Variants in SCN8A observed in about 807,000 individuals in gnomAD.
The protein encoded by SCN8A is sodium channel protein type 8 subunit alpha.
Under a neutral mutation model 184.1 loss-of-function variants are expected in SCN8A, and 30 were observed. The ratio of observed to expected loss-of-function variants is 0.16; its 90% CI spans 0.12 to 0.22. The LOEUF is 0.22. Among genes scored for constraint, SCN8A ranks in the 10% least tolerant of loss-of-function variants. The pLI, the probability that SCN8A is intolerant of heterozygous loss-of-function variation, is 1.00. For missense variants in SCN8A, 1,057 were observed against 2,498.9 expected (o/e 0.42, Z 12.30); for synonymous variants, 852 against 907.0 (o/e 0.94, Z 1.09).
chr12:51,654,762 T>C (rs1484217563), intron 1 of SCN8A, among the ~76,000 whole-genome samples: 1 of 152,194 alleles, frequency 6.6e-6, no homozygotes, highest in East Asian at 1.9e-4. Flanking sequence ...TCTTCCTGCT[T>C]TGGCCTCCCA....
At chr12:51,617,253 T>G (rs1054740444) in intron 1 of SCN8A, among the ~76,000 whole-genome samples, 2 of 152,202 alleles carry the variant, frequency 1.3e-5, no homozygotes, top group Non-Finnish European at 2.9e-5. Context: ...TCTTTTGGTG[T>G]TGTCCCATGG....
Position 51,591,366 on chromosome 12 carries a change from C to A in SCN8A, c.-55+7C>A. On this transcript the variant is annotated splice_region_variant and intron_variant, in intron 1 of 26. Transcript: ENST00000627620. ...CCTCGCCGCCGCCGCTGCCGTAAGTCGCCCCAGAGCCCCCGCCCTAGCGCT... is the reference window on the plus strand; with the variant it reads ...CCTCGCCGCCGCCGCTGCCGTAAGTAGCCCCAGAGCCCCCGCCCTAGCGCT... 6.5e-6 allele frequency: 1 copy of A among 154,796 alleles called. No individual in the cohort carries two copies. The highest frequency in any genetic ancestry group is 1.8e-4 in the South Asian group (1 of 5,620). 9.6% of individuals were successfully genotyped at this position (154,796 alleles called of 1,614,324 possible). A position where few individuals can be genotyped will look rare whatever the true frequency, so the allele number is the denominator to read the frequency against.
intron 22 of SCN8A, among the ~76,000 whole-genome samples, 170 bp downstream of exon 22, chr12:51,786,996 G>A (rs1306513803): frequency 6.6e-6 from 1 of 152,152 alleles, no homozygotes; most frequent in Admixed American, 6.5e-5. Context: ...CCTTTCCTGA[G>A]TATTCTCTGA....
intron 20 of SCN8A, 71 bp downstream of exon 20, chr12:51,774,433 A>G: frequency 1.4e-6 from 2 of 1,443,212 alleles, no homozygotes; most frequent in South Asian, 1.4e-5. Context: ...TCTTTTTCTA[A>G]TGGCAGTAGC....
chr12:51,621,858 C>T (rs1338152731), intron 1 of SCN8A, among the ~76,000 whole-genome samples: 8 of 152,174 alleles, frequency 5.3e-5, no homozygotes, highest in Non-Finnish European at 1.2e-4. Context: ...AAGGAGTCCA[C>T]ATCAAAGAAA....
At chr12:51,748,022 C>T (rs904597519) in intron 13 of SCN8A, among the ~76,000 whole-genome samples, 3 of 152,184 alleles carry the variant, frequency 2.0e-5, no homozygotes, top group Non-Finnish European at 4.4e-5. Context: ...GGCATTCCGC[C>T]TAACCTCTCC....
intron 1 of SCN8A, among the ~76,000 whole-genome samples, chr12:51,606,768 A>C (rs1373492147): frequency 6.6e-6 from 1 of 151,684 alleles, no homozygotes; most frequent in Non-Finnish European, 1.5e-5. Context: ...TTCTTTCAGC[A>C]GTTTTGTAGT....
At chr12:51,792,646 T>G (rs1303404130) in intron 25 of SCN8A, among the ~76,000 whole-genome samples, 1 of 151,878 alleles carries the variant, frequency 6.6e-6, no homozygotes, top group Admixed American at 6.6e-5. Context: ...GTGCCAGGTG[T>G]CTCCCCGTAA....
chr12:51,794,245 GC>G (rs1328898099), intron 25 of SCN8A, 125 bp from the exon 26 acceptor site: 1 of 850,672 alleles, frequency 1.2e-6, no homozygotes, highest in African/African-American at 1.7e-5. Context: ...TGATAGAGCA[GC>G]AGAGCTGACC....
intron 2 of SCN8A, among the ~76,000 whole-genome samples, chr12:51,681,824 T>G (rs1941339329): frequency 6.6e-6 from 1 of 152,172 alleles, no homozygotes. Flanking sequence ...GAAAAGAACT[T>G]TAAAAAACAT....
intron 11 of SCN8A, among the ~76,000 whole-genome samples, chr12:51,717,880 A>G (rs1941991481): frequency 1.3e-5 from 2 of 152,224 alleles, no homozygotes; most frequent in Non-Finnish European, 2.9e-5. Context: ...ATAATTATCT[A>G]TGATTAGTGC....
intron 1 of SCN8A, among the ~76,000 whole-genome samples, chr12:51,599,300 A>G (rs1486461513): frequency 6.6e-6 from 1 of 152,210 alleles, no homozygotes; most frequent in Non-Finnish European, 1.5e-5. Flanking sequence ...AAAAAGTTGG[A>G]AAGGATTTAT....
chr12:51,765,173 T>C (rs1248029463), intron 15 of SCN8A, among the ~76,000 whole-genome samples: 1 of 148,222 alleles, frequency 6.7e-6, no homozygotes, highest in Non-Finnish European at 1.5e-5. Context: ...ATCACAACGG[T>C]TTTTTTTTTA....
intron 20 of SCN8A, among the ~76,000 whole-genome samples, chr12:51,779,355 T>G (rs1937822724): frequency 6.6e-6 from 1 of 152,226 alleles, no homozygotes; most frequent in African/African-American, 2.4e-5. Context: ...TAAATGTAGT[T>G]AGCATGGTGT....
intron 2 of SCN8A, among the ~76,000 whole-genome samples, chr12:51,666,324 C>G (rs756527698): frequency 2.6e-5 from 4 of 152,150 alleles, no homozygotes; most frequent in African/African-American, 9.7e-5. Flanking sequence ...TAAGAAACAA[C>G]AAGAAGATCA....
Position 51,809,790 on chromosome 12 carries a change from T to C in SCN8A, c.*2361T>C, listed in dbSNP as rs145994509. 5.4e-3 allele frequency: 826 copies of C among 152,372 alleles called. 7 individuals are homozygous for C. The highest frequency in any genetic ancestry group is 0.019 in the African/African-American group (788 of 41,590). The allele number at this position is 152,372 out of a possible 1,614,324, so 9.4% of individuals were successfully genotyped here. On this transcript the variant is annotated 3_prime_UTR_variant, in exon 27 of 27. Coordinates refer to ENST00000627620, the MANE Select transcript of SCN8A (RefSeq NM_001330260.2). ...AGGAAATGGCTTCTGGCTTATGCCA[T>C]TGTCATGTTTATTTTTATTTTTTAT...
chr12:51,669,511 T>A (rs1301750394), intron 2 of SCN8A, among the ~76,000 whole-genome samples: 3 of 152,216 alleles, frequency 2.0e-5, no homozygotes, highest in Admixed American at 1.3e-4. Context: ...TCTCTTCCTG[T>A]TGGAATGTAC....
At chr12:51,701,004 TCAGCTGTCA>T (rs1231070564) in intron 7 of SCN8A, 131 bp from the exon 8 acceptor site, 1 of 496,594 alleles carries the variant, frequency 2.0e-6, no homozygotes, top group Non-Finnish European at 3.6e-6. Flanking sequence ...AGAATTCTTA[TCAGCTGTCA>T]CAGCTGTTGG....
At chr12:51,604,615 C>T (rs960268201) in intron 1 of SCN8A, among the ~76,000 whole-genome samples, 2 of 152,050 alleles carry the variant, frequency 1.3e-5, no homozygotes, top group Admixed American at 6.6e-5. Context: ...CCGCAACCTC[C>T]GCCTCCCCTT....
Sources: allele counts gnomAD v4.1 joint callset (sites outside exome capture counted in the v4.1 genomes callset), GRCh38; gene constraint gnomAD v4.1.1; transcripts MANE v1.5; gene names NCBI Gene and HGNC (gene_info 2026-07-23, HGNC 2026-07-21).